NFIC: variants seen among roughly 807,000 people sequenced by gnomAD.
NFIC encodes the protein nuclear factor 1 C-type.
In NFIC, 12 loss-of-function variants were observed where a neutral mutation model predicts 54.4. The ratio of observed to expected loss-of-function variants is 0.22; its 90% CI spans 0.14 to 0.36. The LOEUF is 0.36. NFIC is among the 10% of genes least tolerant of loss of function. NFIC has a pLI of 1.00. For synonymous variants in NFIC, 322 were observed against 319.2 expected (o/e 1.01, Z -0.09); for missense variants, 575 against 718.2 (o/e 0.80, Z 2.28).
At chr19:3,450,121 G>A (rs1214494391) in intron 7 of NFIC, among the ~76,000 whole-genome samples, 5 of 151,596 alleles carry the variant, frequency 3.3e-5, no homozygotes, top group Admixed American at 6.6e-5. Context: ...CAAGGCGGGC[G>A]GATTACGAGG....
intron 10 of NFIC, 37 bp downstream of exon 10, chr19:3,456,672 G>A: frequency 8.9e-7 from 1 of 1,125,676 alleles, no homozygotes; most frequent in Non-Finnish European, 1.3e-6. Context: ...GGTGGGAGGG[G>A]CAGGGCAGAG....
intron 1 of NFIC, among the ~76,000 whole-genome samples, chr19:3,368,447 CTG>C (rs2080936259): frequency 6.6e-6 from 1 of 152,184 alleles, no homozygotes; most frequent in South Asian, 2.1e-4. Context: ...GGAGGGCTGT[CTG>C]TGGAAACCAA....
intron 1 of NFIC, among the ~76,000 whole-genome samples, chr19:3,367,160 C>G (rs902267844): frequency 7.2e-5 from 11 of 152,292 alleles, no homozygotes; most frequent in African/African-American, 2.6e-4. Flanking sequence ...CCGTGTCCCC[C>G]CACCAAGGTT....
intron 2 of NFIC, among the ~76,000 whole-genome samples, chr19:3,402,805 C>A (rs1445814177): frequency 2.6e-5 from 4 of 152,186 alleles, no homozygotes; most frequent in Non-Finnish European, 5.9e-5. Context: ...GTGCAAAGGC[C>A]CTGAGGCAGG....
intron 6 of NFIC, among the ~76,000 whole-genome samples, chr19:3,448,055 C>A (rs2082399291): frequency 6.6e-6 from 1 of 151,754 alleles, no homozygotes; most frequent in Non-Finnish European, 1.5e-5. Flanking sequence ...CAGGCGTGAG[C>A]CCCTGCACCC....
intron 2 of NFIC, among the ~76,000 whole-genome samples, chr19:3,388,152 C>T (rs72974716): frequency 0.012 from 1,828 of 152,136 alleles, 15 homozygotes; most frequent in Non-Finnish European, 0.016. Flanking sequence ...GGGAATGGCG[C>T]GGTGGGCAGA....
At position 3,453,905 on chromosome 19, in the gene NFIC, C is replaced by T. The variant is rs779544519; in HGVS notation, c.1412C>T (p.Pro471Leu). 125 of 1,542,498 alleles carry T rather than the reference C, an allele frequency of 8.1e-5. No homozygotes were observed. Among genetic ancestry groups the T allele is most frequent in the Admixed American group, 1.2e-4 (6 of 48,034 alleles). Residue 471 changes from proline to leucine, a missense_variant, in exon 9 of 11, where the codon CCG becomes CTG. This residue lies in a region of NFIC where 447 missense variants were observed against 526.9 expected (regional missense o/e 0.85). Transcript: ENST00000443272. This position sits in a 1 kb window ranked among gnomAD's most constrained non-coding sequence, Gnocchi z 6.7. ...ATTSEGGATS[P>L]TSPSYSPPDT... ...ACCTCCGAGGGAGGAGCCACGTCGC[C>T]GACCTCGCCTTGTAAGCACGCGGGA...
intron 1 of NFIC, among the ~76,000 whole-genome samples, chr19:3,381,498 A>G (rs1445454916): frequency 6.6e-6 from 1 of 151,740 alleles, no homozygotes; most frequent in Non-Finnish European, 1.5e-5. Flanking sequence ...GGGTTCTTGC[A>G]GGTCCCTGAT....
At chr19:3,394,530 A>ACCCCCCCCCC (rs1270123415) in intron 2 of NFIC, among the ~76,000 whole-genome samples, 1 of 36,628 alleles carries the variant, frequency 2.7e-5, no homozygotes, top group Non-Finnish European at 4.3e-5. Flanking sequence ...CCCACCCCCC[A>ACCCCCCCCCC]CCCGCTTACA....
chr19:3,451,049 A>G (rs1211218249), intron 7 of NFIC, among the ~76,000 whole-genome samples: 1 of 152,232 alleles, frequency 6.6e-6, no homozygotes, highest in African/African-American at 2.4e-5. Flanking sequence ...AGTGACTGCT[A>G]TAAATAGTGA....
rs1307690800 is a variant in NFIC at position 3,467,347 on chromosome 19, G to A, written c.*4578G>A. The A allele has an allele frequency of 6.6e-6, 1 of 151,778 alleles. No homozygotes were observed. Among genetic ancestry groups the A allele is most frequent in the Non-Finnish European group, 1.5e-5 (1 of 67,962 alleles). The allele number at this position is 151,778 out of a possible 1,614,324, so 9.4% of individuals were successfully genotyped here. ...AATGACCCGGGTGGAGATGGGGCAT[G>A]GAGGAGTAGGAAGACCCAGCCCTAT... On this transcript the variant is annotated 3_prime_UTR_variant, in exon 11 of 11. Coordinates refer to ENST00000443272, the MANE Select transcript of NFIC (RefSeq NM_001245002.2).
At chr19:3,409,791 G>A (rs1281951790) in intron 2 of NFIC, among the ~76,000 whole-genome samples, 1 of 152,244 alleles carries the variant, frequency 6.6e-6, no homozygotes, top group African/African-American at 2.4e-5. Flanking sequence ...TGGCTGTTGT[G>A]CATCATTTGT....
rs1159916071 is a variant in NFIC at position 3,380,628 on chromosome 19, CTTTTT to C, written c.31-1065_31-1061del. On this transcript the variant is annotated intron_variant, in intron 1 of 10. Coordinates refer to ENST00000443272, the MANE Select transcript of NFIC (RefSeq NM_001245002.2). Reference sequence around the variant, plus strand: ...ACAGGTGTGAGCCACTGCGCCCAGGCTTTTTTTTTTTTTTTTTTTTTTTGTGACAG... The same window carrying C: ...ACAGGTGTGAGCCACTGCGCCCAGGCTTTTTTTTTTTTTTTTTTGTGACAG... Among the ~76,000 whole-genome samples, 269 of 96,076 alleles carry C rather than the reference CTTTTT, an allele frequency of 2.8e-3. 2 individuals are homozygous for C. The highest frequency in any genetic ancestry group is 9.1e-3 in the African/African-American group (222 of 24,266). 63.0% of individuals were successfully genotyped at this position (96,076 alleles called of 152,430 possible). A position where few individuals can be genotyped will look rare whatever the true frequency, so the allele number is the denominator to read the frequency against.
Position 3,446,230 on chromosome 19 carries a change from G to A in NFIC, c.959-2784G>A, listed in dbSNP as rs373533672. On this transcript the variant is annotated intron_variant, in intron 6 of 10. Transcript: ENST00000443272. ...CTCCTCACTCCGTGTGGATTTCAGT[G>A]TGTGCAGCCTCCTGGGACCACAGCA... Among the ~76,000 whole-genome samples the A allele has an allele frequency of 1.8e-4, 28 of 152,366 alleles. No homozygotes were observed. In the South Asian group the frequency reaches 5.6e-3, roughly 30 times the overall value.
At chr19:3,425,038 C>G (rs2082006080) in intron 2 of NFIC, 68 bp from the exon 3 acceptor site, 1 of 1,553,306 alleles carries the variant, frequency 6.4e-7, no homozygotes, top group East Asian at 2.3e-5. Context: ...CCACCAGCAT[C>G]GACACTTCAT....
chr19:3,425,022 C>G (rs1431186709), intron 2 of NFIC, 84 bp from the exon 3 acceptor site: 2 of 1,443,128 alleles, frequency 1.4e-6, no homozygotes, highest in Non-Finnish European at 1.9e-6. Flanking sequence ...CAGCCCAGGA[C>G]TGGGGCCACC....
chr19:3,462,693 C>G, intron 10 of NFIC, 59 bp from the exon 11 acceptor site: 1 of 1,580,108 alleles, frequency 6.3e-7, no homozygotes, highest in African/African-American at 1.3e-5. Flanking sequence ...CAGAGTCTGA[C>G]CCCTCGACTT....
intron 2 of NFIC, among the ~76,000 whole-genome samples, chr19:3,421,109 G>A (rs532935022): frequency 6.6e-6 from 1 of 152,370 alleles, no homozygotes; most frequent in South Asian, 2.1e-4. Context: ...GATGAGAAGA[G>A]TGAGGCGCGG....
intron 10 of NFIC, among the ~76,000 whole-genome samples, chr19:3,461,306 C>G (rs1044176125): frequency 6.6e-6 from 1 of 151,906 alleles, no homozygotes; most frequent in African/African-American, 2.4e-5. Context: ...ACCTGTGGTC[C>G]CAGCTACTCG....
Sources: allele counts gnomAD v4.1 joint callset (sites outside exome capture counted in the v4.1 genomes callset), GRCh38; gene constraint gnomAD v4.1.1; regional missense constraint gnomAD v4.1.1; non-coding constraint Gnocchi (gnomAD v3.1); transcripts MANE v1.5; gene names NCBI Gene and HGNC (gene_info 2026-07-23, HGNC 2026-07-21).